Variants in SOX5 observed in about 807,000 individuals in gnomAD.
The protein encoded by SOX5 is transcription factor SOX-5.
SOX5 carries 9 observed loss-of-function variants against 92.0 expected under a neutral mutation model. That is an observed-to-expected ratio of 0.10 (90% CI 0.06 to 0.17). The LOEUF is 0.17. SOX5 is among the 10% of genes least tolerant of loss of function. The pLI is 1.00. For synonymous variants in SOX5, 344 were observed against 336.3 expected (o/e 1.02, Z -0.25); for missense variants, 642 against 944.5 (o/e 0.68, Z 4.20).
chr12:23,638,660 T>A (rs549954208), intron 8 of SOX5, among the ~76,000 whole-genome samples: 2 of 152,208 alleles, frequency 1.3e-5, no homozygotes, highest in South Asian at 4.1e-4. Context: ...TGATGCTATT[T>A]TAAGGCAAAG....
At chr12:24,346,081 A>G (rs1953194264) in intron 2 of SOX5, among the ~76,000 whole-genome samples, 1 of 152,232 alleles carries the variant, frequency 6.6e-6, no homozygotes, top group South Asian at 2.1e-4. Context: ...TCATCCCGTT[A>G]AGAATGTATT....
At chr12:24,443,637 G>A (rs939215471) in intron 1 of SOX5, among the ~76,000 whole-genome samples, 3 of 152,216 alleles carry the variant, frequency 2.0e-5, no homozygotes, top group Admixed American at 1.3e-4. Context: ...TCACAGTTTA[G>A]AGATGTTTGA....
intron 1 of SOX5, among the ~76,000 whole-genome samples, chr12:23,924,069 T>C (rs991174983): frequency 6.6e-6 from 1 of 152,212 alleles, no homozygotes; most frequent in African/African-American, 2.4e-5. Context: ...TCCACAAATG[T>C]TGCCTAAAAA....
chr12:23,713,099 T>C (rs2092197738), intron 6 of SOX5, among the ~76,000 whole-genome samples: 1 of 152,128 alleles, frequency 6.6e-6, no homozygotes, highest in South Asian at 2.1e-4. Flanking sequence ...GTAGTTTCCT[T>C]ATAAGAGAAT....
intron 4 of SOX5, among the ~76,000 whole-genome samples, chr12:24,171,375 C>T (rs1954138416): frequency 6.6e-6 from 1 of 151,658 alleles, no homozygotes; most frequent in Non-Finnish European, 1.5e-5. Context: ...AGGCACATGC[C>T]ACCGCACCCG....
chr12:23,831,957 T>TACACACACACACACACACACACAC (rs61053165), intron 3 of SOX5, among the ~76,000 whole-genome samples: 11 of 142,728 alleles, frequency 7.7e-5, no homozygotes, highest in African/African-American at 2.7e-4. Context: ...AAAGGGGAAC[T>TACACACACACACACACACACACAC]ACACACACAC....
intron 4 of SOX5, among the ~76,000 whole-genome samples, chr12:24,043,357 T>A (rs746752405): frequency 1.3e-5 from 2 of 152,214 alleles, no homozygotes; most frequent in Non-Finnish European, 2.9e-5. Context: ...AATATCTGAA[T>A]TCCTGAATTA....
At chr12:24,133,193 T>C (rs1593460341) in intron 4 of SOX5, among the ~76,000 whole-genome samples, 1 of 152,286 alleles carries the variant, frequency 6.6e-6, no homozygotes, top group South Asian at 2.1e-4. Flanking sequence ...AGATTCTGGG[T>C]CTTGCTACTG....
At chr12:24,101,858 A>T (rs1406466096) in intron 4 of SOX5, among the ~76,000 whole-genome samples, 1 of 152,088 alleles carries the variant, frequency 6.6e-6, no homozygotes, top group East Asian at 1.9e-4. Context: ...TACCAATAAA[A>T]ATCTCATCAT....
chr12:23,788,497 C>A (rs2095418583), intron 3 of SOX5, among the ~76,000 whole-genome samples: 1 of 150,538 alleles, frequency 6.6e-6, no homozygotes, highest in Non-Finnish European at 1.5e-5. Flanking sequence ...TTTTAAAATT[C>A]TTCTGGGTGG....
At chr12:23,686,393 A>C (rs1295898541) in intron 6 of SOX5, among the ~76,000 whole-genome samples, 1 of 152,182 alleles carries the variant, frequency 6.6e-6, no homozygotes, top group Non-Finnish European at 1.5e-5. Flanking sequence ...AAGAAGGGAA[A>C]TGTGAAATGG....
intron 8 of SOX5, among the ~76,000 whole-genome samples, chr12:23,607,247 T>C (rs1196274981): frequency 1.3e-5 from 2 of 152,216 alleles, no homozygotes; most frequent in South Asian, 2.1e-4. Context: ...TTTTGTGTCA[T>C]AGATATGTTT....
chr12:24,236,047 C>T (rs2140004150), intron 3 of SOX5, among the ~76,000 whole-genome samples: 1 of 151,980 alleles, frequency 6.6e-6, no homozygotes, highest in Middle Eastern at 3.4e-3. Flanking sequence ...AAAAAATTAG[C>T]CGGGCGTGGT....
chr12:24,177,809 G>A (rs939495721), intron 4 of SOX5, among the ~76,000 whole-genome samples: 1 of 130,810 alleles, frequency 7.6e-6, no homozygotes, highest in African/African-American at 3.0e-5. Flanking sequence ...CACTCACAGG[G>A]TCACTAGGCT....
At position 24,310,306 on chromosome 12, in the gene SOX5, C is replaced by T. The variant is rs115704168; in HGVS notation, c.-173-32994G>A. Among the ~76,000 whole-genome samples the T allele has an allele frequency of 6.3e-3, 960 of 152,192 alleles. 8 individuals carry two copies. Among genetic ancestry groups the T allele is most frequent in the African/African-American group, 0.022 (910 of 41,544 alleles). ...ATTTAAAATGTCTGTAAAGTGCTTT[C>T]TAAAATATGAATGTTACATGTGTTA... is the stretch of plus-strand genomic sequence containing the variant. On this transcript the variant is annotated intron_variant, in intron 2 of 4. Coordinates refer to the SOX5 transcript ENST00000446891.
At chr12:24,100,743 C>A (rs923245322) in intron 4 of SOX5, among the ~76,000 whole-genome samples, 4 of 152,050 alleles carry the variant, frequency 2.6e-5, no homozygotes, top group African/African-American at 9.7e-5. Flanking sequence ...TTAATAAATC[C>A]AAACAGAGCG....
intron 1 of SOX5, among the ~76,000 whole-genome samples, chr12:24,417,769 C>A (rs1486249753): frequency 6.6e-6 from 1 of 152,056 alleles, no homozygotes; most frequent in Admixed American, 6.6e-5. Context: ...AGCCATGGGT[C>A]AAGAAAAACA....
At chr12:24,050,084 CAAAAA>C (rs10687571) in intron 4 of SOX5, among the ~76,000 whole-genome samples, 26 of 74,256 alleles carry the variant, frequency 3.5e-4, no homozygotes, top group South Asian at 1.5e-3. Context: ...GGCGCAGAGG[CAAAAA>C]AAAAAAAAAA....
chr12:23,790,083 T>C (rs1222020086), intron 3 of SOX5, among the ~76,000 whole-genome samples: 1 of 152,204 alleles, frequency 6.6e-6, no homozygotes, highest in Non-Finnish European at 1.5e-5. Context: ...AGAAAATATG[T>C]TCATATAGAA....
Sources: allele counts gnomAD v4.1 joint callset (sites outside exome capture counted in the v4.1 genomes callset), GRCh38; gene constraint gnomAD v4.1.1; transcripts MANE v1.5; gene names NCBI Gene and HGNC (gene_info 2026-07-23, HGNC 2026-07-21).